Variants in PDE8B observed in about 807,000 individuals in gnomAD.
The protein encoded by PDE8B is phosphodiesterase 8B.
PDE8B carries 26 observed loss-of-function variants against 101.3 expected under a neutral mutation model. The ratio of observed to expected loss-of-function variants is 0.26; its 90% CI spans 0.19 to 0.36. PDE8B has a LOEUF of 0.36. Ranked by LOEUF, PDE8B falls within the 10% of genes least tolerant of loss-of-function variation. The probability of loss-of-function intolerance (pLI) is 1.00; values close to 1 mark genes in which losing one functional copy is unlikely to be tolerated. For synonymous variants in PDE8B, 424 were observed against 429.3 expected (o/e 0.99, Z 0.15); for missense variants, 810 against 1,163.1 (o/e 0.70, Z 4.42).
intron 10 of PDE8B, among the ~76,000 whole-genome samples, chr5:77,375,681 G>A (rs1490105026): frequency 6.6e-6 from 1 of 151,978 alleles, no homozygotes; most frequent in Non-Finnish European, 1.5e-5. Context: ...CATTCCTAAC[G>A]GACTCAGGAA....
At chr5:77,308,339 C>T (rs991074175) in intron 1 of PDE8B, among the ~76,000 whole-genome samples, 4 of 152,246 alleles carry the variant, frequency 2.6e-5, no homozygotes, top group South Asian at 2.1e-4. Context: ...GAGGCACCCA[C>T]GCCGGTAGTG....
chr5:77,419,482 G>A (rs1796193013), intron 18 of PDE8B, among the ~76,000 whole-genome samples: 1 of 152,178 alleles, frequency 6.6e-6, no homozygotes, highest in African/African-American at 2.4e-5. Flanking sequence ...GGAAGGGAGA[G>A]GGGAATCACC....
the PDE8B span, among the ~76,000 whole-genome samples, chr5:77,178,682 G>A: frequency 0.14 from 21,616 of 152,082 alleles, 1,934 homozygotes; most frequent in East Asian, 0.43. Context: ...GTGGGTCAGA[G>A]CCTGGGCATG....
intron 1 of PDE8B, among the ~76,000 whole-genome samples, chr5:77,215,583 A>G (rs557551566): frequency 1.4e-4 from 21 of 152,328 alleles, no homozygotes; most frequent in African/African-American, 5.1e-4. Flanking sequence ...GATGTAACAT[A>G]GTATAAGCTG....
At chr5:77,331,617 C>T (rs371814662) in intron 5 of PDE8B, 158 bp downstream of exon 5, 31 of 709,570 alleles carry the variant, frequency 4.4e-5, no homozygotes, top group Middle Eastern at 5.8e-4. Flanking sequence ...GGGAAAGTAA[C>T]GAGCAGCTGC....
chr5:77,333,873 A>G (rs1408426311), intron 5 of PDE8B, among the ~76,000 whole-genome samples: 2 of 152,214 alleles, frequency 1.3e-5, no homozygotes, highest in African/African-American at 2.4e-5. Context: ...TCAGTGAATA[A>G]AGCTTTGGGG....
intron 9 of PDE8B, among the ~76,000 whole-genome samples, chr5:77,353,033 TG>T (rs1781451080): frequency 1.3e-5 from 2 of 152,222 alleles, no homozygotes; most frequent in African/African-American, 4.8e-5. Context: ...CTAATTTATT[TG>T]TAGCAGCATT....
chr5:77,133,452 T>A, the PDE8B span, among the ~76,000 whole-genome samples: 2 of 152,248 alleles, frequency 1.3e-5, no homozygotes, highest in Admixed American at 1.3e-4. Flanking sequence ...TTTGTGGCAA[T>A]AGCTTTTGGT....
chr5:77,260,564 T>C (rs1036684274), intron 1 of PDE8B, among the ~76,000 whole-genome samples: 12 of 151,346 alleles, frequency 7.9e-5, no homozygotes, highest in African/African-American at 2.7e-4. Context: ...ATTTTACTGA[T>C]AATTTTCACT....
intron 15 of PDE8B, 147 bp downstream of exon 15, chr5:77,411,868 T>A (rs1306438154): frequency 2.6e-6 from 2 of 759,764 alleles, no homozygotes; most frequent in South Asian, 1.6e-5. Flanking sequence ...AAAACTAGTC[T>A]CCTAATTAAA....
intron 10 of PDE8B, among the ~76,000 whole-genome samples, chr5:77,377,696 A>G (rs1449481279): frequency 6.6e-6 from 1 of 152,214 alleles, no homozygotes; most frequent in East Asian, 1.9e-4. Flanking sequence ...CTGAATTTGA[A>G]TCAGAGGACA....
At chr5:77,356,812 C>T (rs1782183836) in intron 10 of PDE8B, among the ~76,000 whole-genome samples, 1 of 152,138 alleles carries the variant, frequency 6.6e-6, no homozygotes, top group Admixed American at 6.5e-5. Flanking sequence ...GTGGCTCACA[C>T]AATATTTTTA....
intron 17 of PDE8B, among the ~76,000 whole-genome samples, chr5:77,414,508 C>T (rs1439471553): frequency 6.6e-6 from 1 of 152,156 alleles, no homozygotes; most frequent in Non-Finnish European, 1.5e-5. Context: ...GCAAACTCCA[C>T]CTCCCAGGTT....
intron 10 of PDE8B, among the ~76,000 whole-genome samples, chr5:77,372,168 C>A (rs923367989): frequency 6.6e-5 from 10 of 152,076 alleles, no homozygotes; most frequent in Admixed American, 1.3e-4. Flanking sequence ...CCACTGCACT[C>A]CAGCCTGGGT....
intron 1 of PDE8B, chr5:77,291,397 C>G: frequency 6.2e-7 from 1 of 1,611,754 alleles, no homozygotes; most frequent in Non-Finnish European, 8.5e-7. Context: ...ATGGATCGCC[C>G]TGGAAATTAT....
chr5:77,160,840 C>T, the PDE8B span, among the ~76,000 whole-genome samples: 6 of 151,398 alleles, frequency 4.0e-5, no homozygotes, highest in African/African-American at 1.5e-4. Context: ...TTAATAGAGA[C>T]TGGGGTCTCC....
At chr5:77,313,488 T>C (rs1301373059) in intron 2 of PDE8B, among the ~76,000 whole-genome samples, 1 of 152,208 alleles carries the variant, frequency 6.6e-6, no homozygotes, top group Non-Finnish European at 1.5e-5. Flanking sequence ...AATAAAGGCA[T>C]TGATATCAAG....
intron 1 of PDE8B, among the ~76,000 whole-genome samples, chr5:77,281,775 T>C (rs11957189): frequency 1.3e-5 from 2 of 152,150 alleles, no homozygotes; most frequent in African/African-American, 4.8e-5. Flanking sequence ...CTGGATCTCT[T>C]TGGAGGGTAT....
At chr5:77,192,597 T>A in the PDE8B span, among the ~76,000 whole-genome samples, 1 of 152,258 alleles carries the variant, frequency 6.6e-6, no homozygotes, top group Non-Finnish European at 1.5e-5. Flanking sequence ...TTGGGTTGTT[T>A]CCAGTTTGGG....
Sources: gnomAD v4.1 joint callset for allele counts (sites outside exome capture counted in the v4.1 genomes callset) on GRCh38, gnomAD v4.1.1 for gene constraint, MANE v1.5 for transcripts, NCBI Gene and HGNC (gene_info 2026-07-23, HGNC 2026-07-21) for gene names.